The following TTLL9 variants were observed in gnomAD, a reference collection of about 807,000 sequenced individuals.
TTLL9 encodes the protein tubulin tyrosine ligase like 9, also known as probable tubulin polyglutamylase TTLL9.
TTLL9 carries 47 observed loss-of-function variants against 65.6 expected under a neutral mutation model. That is an observed-to-expected ratio of 0.72 (90% CI 0.57 to 0.91). TTLL9 has a LOEUF of 0.91. TTLL9 is among the 40% of genes least tolerant of loss of function. TTLL9 has a pLI of 0.00. For missense variants in TTLL9, 537 were observed against 568.8 expected, an observed-to-expected ratio of 0.94 and a Z score of 0.57; for synonymous variants, 179 against 204.8, an observed-to-expected ratio of 0.87 and a Z score of 1.07.
At chr20:31,904,818 C>T (rs2063528307) in intron 4 of TTLL9, among the ~76,000 whole-genome samples, 1 of 152,146 alleles carries the variant, frequency 6.6e-6, no homozygotes, top group Non-Finnish European at 1.5e-5. Context: ...TGGCTCATTG[C>T]AGTCTATCAT....
intron 9 of TTLL9, 56 bp downstream of exon 9, chr20:31,925,105 A>C: frequency 6.3e-7 from 1 of 1,585,692 alleles, no homozygotes; most frequent in South Asian, 1.1e-5. Flanking sequence ...TGGCTGGGCT[A>C]GGGAGATGGG....
intron 3 of TTLL9, among the ~76,000 whole-genome samples, chr20:31,888,026 A>G (rs1194191969): frequency 6.6e-6 from 1 of 151,940 alleles, no homozygotes; most frequent in Non-Finnish European, 1.5e-5. Flanking sequence ...CTGAGATTAC[A>G]GGTATGCGCC....
chr20:31,941,977 A>C (rs758992328), intron 14 of TTLL9, among the ~76,000 whole-genome samples: 34 of 150,912 alleles, frequency 2.3e-4, no homozygotes, highest in Non-Finnish European at 4.3e-4. Flanking sequence ...AACTCCAAGA[A>C]GTTTGCACTG....
intron 7 of TTLL9, among the ~76,000 whole-genome samples, chr20:31,922,456 C>T (rs1244607866): frequency 6.6e-6 from 1 of 152,144 alleles, no homozygotes; most frequent in Non-Finnish European, 1.5e-5. Context: ...TCCCCGTTCC[C>T]TCCTCTCCCC....
chr20:31,907,990 A>G (rs147890982), intron 4 of TTLL9, among the ~76,000 whole-genome samples: 119 of 152,208 alleles, frequency 7.8e-4, no homozygotes, highest in African/African-American at 2.6e-3. Flanking sequence ...TCTCCCTGGC[A>G]TGGTGGTGGA....
At chr20:31,936,327 T>C (rs1023847040) in intron 12 of TTLL9, among the ~76,000 whole-genome samples, 3 of 152,194 alleles carry the variant, frequency 2.0e-5, no homozygotes, top group African/African-American at 7.2e-5. Flanking sequence ...CCAAGTACAG[T>C]GACTCAAACA....
chr20:31,883,326 T>C (rs796977718), intron 2 of TTLL9, among the ~76,000 whole-genome samples: 3 of 152,154 alleles, frequency 2.0e-5, no homozygotes, highest in African/African-American at 7.2e-5. Flanking sequence ...GCCTCCCAAG[T>C]AGCTGGGATT....
intron 2 of TTLL9, among the ~76,000 whole-genome samples, chr20:31,873,813 G>A (rs369360172): frequency 9.2e-5 from 9 of 98,010 alleles, no homozygotes; most frequent in African/African-American, 3.5e-4. Context: ...AGGAAGGAAG[G>A]AAGGAAGGAA....
At chr20:31,927,830 C>G (rs2063934500) in intron 10 of TTLL9, among the ~76,000 whole-genome samples, 1 of 152,180 alleles carries the variant, frequency 6.6e-6, no homozygotes, top group Admixed American at 6.5e-5. Context: ...ATTTGCATCT[C>G]TCTGCATTAA....
At chr20:31,904,709 G>C (rs1376624612) in intron 4 of TTLL9, among the ~76,000 whole-genome samples, 9 of 152,048 alleles carry the variant, frequency 5.9e-5, no homozygotes, top group East Asian at 1.9e-4. Flanking sequence ...ATTGCAAAAT[G>C]GTTACTCTCT....
chr20:31,913,134 T>TC (rs2063681497), intron 6 of TTLL9, among the ~76,000 whole-genome samples: 1 of 151,854 alleles, frequency 6.6e-6, no homozygotes, highest in African/African-American at 2.4e-5. Context: ...TACTCCAGCC[T>TC]GGTGACAGAG....
chr20:31,933,944 G>T (rs1316853678), intron 11 of TTLL9, 86 bp downstream of exon 11: 19 of 1,401,438 alleles, frequency 1.4e-5, no homozygotes, highest in Non-Finnish European at 1.8e-5. Flanking sequence ...AGGAGCCCAG[G>T]ACAGGCCTGT....
rs2062908494 is a variant in TTLL9, at chr20:31,870,724, C to T, written c.-231C>T. ...CCGGAGGTGGGGGCGGGGGCCTTACCCCACCCTGGCACCGGCAGGCGCGGG... is the reference window on the plus strand; with the variant it reads ...CCGGAGGTGGGGGCGGGGGCCTTACTCCACCCTGGCACCGGCAGGCGCGGG... On this transcript the variant is annotated 5_prime_UTR_variant, in exon 1 of 15. Coordinates refer to ENST00000535842, the MANE Select transcript of TTLL9 (RefSeq NM_001008409.5). The surrounding 1 kb of genome is among the most constrained non-coding windows in gnomAD (Gnocchi z 6.6). 1 of 624,716 alleles carries T rather than the reference C, an allele frequency of 1.6e-6. No homozygotes were observed. Among genetic ancestry groups the T allele is most frequent in the Admixed American group, 4.2e-5 (1 of 23,708 alleles). 38.7% of individuals were successfully genotyped at this position (624,716 alleles called of 1,614,324 possible).
Position 31,922,390 on chromosome 20 carries a change from G to A in TTLL9, c.574-573G>A, listed in dbSNP as rs992873624. On this transcript the variant is annotated intron_variant, in intron 7 of 14. Coordinates refer to ENST00000535842, the MANE Select transcript of TTLL9 (RefSeq NM_001008409.5). Reference sequence around the variant, plus strand: ...TGTGCAACCACCACCACCACCATCCGTCTCCAGAACGTTTCATCTTCCCAA... The same window carrying A: ...TGTGCAACCACCACCACCACCATCCATCTCCAGAACGTTTCATCTTCCCAA... Among the ~76,000 whole-genome samples, 39 of 152,070 alleles carry A rather than the reference G, an allele frequency of 2.6e-4. 1 individual carries two copies. Among genetic ancestry groups the A allele is most frequent in the African/African-American group, 9.2e-4 (38 of 41,480 alleles).
At chr20:31,909,125 A>AT (rs11476481) in intron 5 of TTLL9, among the ~76,000 whole-genome samples, 3,926 of 79,402 alleles carry the variant, frequency 0.049, 550 homozygotes, top group Non-Finnish European at 0.062. Context: ...TGAAAGCATG[A>AT]TTTTTTTTTT....
chr20:31,882,359 C>A (rs1159368326), intron 2 of TTLL9, among the ~76,000 whole-genome samples: 2 of 152,114 alleles, frequency 1.3e-5, no homozygotes. Context: ...CTTGGGTAAG[C>A]TGGTGTGGCA....
intron 6 of TTLL9, among the ~76,000 whole-genome samples, chr20:31,911,930 T>C (rs2063659213): frequency 6.6e-6 from 1 of 151,846 alleles, no homozygotes; most frequent in Admixed American, 6.6e-5. Context: ...GGCGCTTCTG[T>C]GCTTCTAGTC....
At chr20:31,928,504 A>AAT (rs1212780562) in intron 10 of TTLL9, among the ~76,000 whole-genome samples, 1 of 150,726 alleles carries the variant, frequency 6.6e-6, no homozygotes, top group Admixed American at 6.6e-5. Flanking sequence ...CATTATATAT[A>AAT]ATATATATAG....
At chr20:31,923,442 G>A (rs1032636516) in intron 8 of TTLL9, among the ~76,000 whole-genome samples, 2 of 152,212 alleles carry the variant, frequency 1.3e-5, no homozygotes, top group African/African-American at 2.4e-5. Context: ...ACCACAGGAC[G>A]GTCCCATGCA....
Sources: gnomAD v4.1 joint callset for allele counts (sites outside exome capture counted in the v4.1 genomes callset) on GRCh38, gnomAD v4.1.1 for gene constraint, Gnocchi (gnomAD v3.1) non-coding constraint, MANE v1.5 for transcripts, NCBI Gene and HGNC (gene_info 2026-07-23, HGNC 2026-07-21) for gene names.